Variants in ELMO1 observed in about 807,000 individuals in gnomAD.
ELMO1 encodes engulfment and cell motility protein 1.
In ELMO1, 26 loss-of-function variants were observed where a neutral mutation model predicts 98.9. That is an observed-to-expected ratio of 0.26 (90% CI 0.19 to 0.36). ELMO1 has a LOEUF of 0.36. Among genes scored for constraint, ELMO1 ranks in the 10% least tolerant of loss-of-function variants. ELMO1 has a pLI of 1.00. For missense variants in ELMO1, 627 were observed against 935.2 expected, an observed-to-expected ratio of 0.67 and a Z score of 4.30; for synonymous variants, 346 against 346.0, an observed-to-expected ratio of 1.00 and a Z score of 0.00.
At chr7:37,443,647 T>A (rs1326030734) in intron 1 of ELMO1, among the ~76,000 whole-genome samples, 1 of 152,258 alleles carries the variant, frequency 6.6e-6, no homozygotes, top group African/African-American at 2.4e-5. Flanking sequence ...TCAGGAATCA[T>A]GATATGGCTT....
At position 37,054,930 on chromosome 7, in the gene ELMO1, A is replaced by T. The variant is rs146215982; in HGVS notation, c.1301-41495T>A. On this transcript the variant is annotated intron_variant, in intron 15 of 21. Coordinates refer to ENST00000310758, the MANE Select transcript of ELMO1 (RefSeq NM_014800.11). ...CTTTGATTCAAACATCTTTCCAACC[A>T]TTCATGAACATATTAGCATATGTAT... Among the ~76,000 whole-genome samples, 444 of 152,366 alleles carry T rather than the reference A, an allele frequency of 2.9e-3. 3 individuals carry two copies. The highest frequency in any genetic ancestry group is 9.7e-3 in the African/African-American group (404 of 41,588).
At chr7:37,283,394 C>T (rs374273410) in intron 4 of ELMO1, among the ~76,000 whole-genome samples, 17 of 152,190 alleles carry the variant, frequency 1.1e-4, no homozygotes, top group African/African-American at 4.1e-4. Context: ...TGATAGGAGC[C>T]AGCACATACC....
chr7:37,229,111 G>A (rs1794025333), intron 8 of ELMO1, among the ~76,000 whole-genome samples: 1 of 152,124 alleles, frequency 6.6e-6, no homozygotes, highest in African/African-American at 2.4e-5. Context: ...AAATTACCAG[G>A]TCTCTAAAGC....
intron 15 of ELMO1, among the ~76,000 whole-genome samples, chr7:37,085,415 T>C (rs1783710758): frequency 6.6e-6 from 1 of 152,266 alleles, no homozygotes; most frequent in Admixed American, 6.5e-5. Context: ...TTCATCATCT[T>C]TTCAGTGCAG....
intron 6 of ELMO1, among the ~76,000 whole-genome samples, chr7:37,253,728 A>AG (rs1795485975): frequency 6.6e-6 from 1 of 151,780 alleles, no homozygotes; most frequent in Non-Finnish European, 1.5e-5. Context: ...AGTAAAAAAA[A>AG]AAAAAAAACA....
intron 17 of ELMO1, among the ~76,000 whole-genome samples, chr7:36,889,010 G>A (rs1805297531): frequency 6.6e-6 from 1 of 152,178 alleles, no homozygotes. Flanking sequence ...TCTTACAGAA[G>A]GGGAAACAAC....
intron 1 of ELMO1, among the ~76,000 whole-genome samples, chr7:37,354,052 G>A (rs1008260289): frequency 2.6e-5 from 4 of 152,178 alleles, no homozygotes; most frequent in Admixed American, 2.6e-4. Flanking sequence ...GGCCTCCCGT[G>A]CTAGAAGTAA....
chr7:36,952,626 C>A (rs1242615145), intron 16 of ELMO1, among the ~76,000 whole-genome samples: 1 of 152,150 alleles, frequency 6.6e-6, no homozygotes, highest in Non-Finnish European at 1.5e-5. Context: ...AAAAAGAAAT[C>A]ACTCTAGACT....
chr7:37,090,223 G>C (rs1784004824), intron 15 of ELMO1, among the ~76,000 whole-genome samples: 2 of 152,128 alleles, frequency 1.3e-5, no homozygotes, highest in Admixed American at 6.5e-5. Flanking sequence ...ACATGTCCTT[G>C]GCAGGACATT....
chr7:37,053,755 A>G (rs1030579754), intron 15 of ELMO1, among the ~76,000 whole-genome samples: 2 of 152,134 alleles, frequency 1.3e-5, no homozygotes, highest in Non-Finnish European at 2.9e-5. Context: ...AAAATGCTTA[A>G]GTCCTTTCTC....
chr7:36,943,623 A>G (rs1186780198), intron 16 of ELMO1, among the ~76,000 whole-genome samples: 1 of 152,266 alleles, frequency 6.6e-6, no homozygotes, highest in African/African-American at 2.4e-5. Flanking sequence ...TGAATGAGTA[A>G]CTGGAATATT....
Position 37,342,723 on chromosome 7 carries a change from A to G in ELMO1, c.-33T>C. The G allele has an allele frequency of 1.3e-6, 2 of 1,588,580 alleles. No individual in the cohort carries two copies. Among genetic ancestry groups the G allele is most frequent in the Non-Finnish European group, 1.7e-6 (2 of 1,166,268 alleles). ...CCCCAAAATGTTCAAAGCCAGTGGGAATGAGGATCCTACAGCGTAAACGGC... is the reference window on the plus strand; with the variant it reads ...CCCCAAAATGTTCAAAGCCAGTGGGGATGAGGATCCTACAGCGTAAACGGC... On this transcript the variant is annotated 5_prime_UTR_variant, in exon 2 of 22. Transcript: ENST00000310758. The surrounding 1 kb of genome is among the most constrained non-coding windows in gnomAD (Gnocchi z 4.3).
intron 13 of ELMO1, among the ~76,000 whole-genome samples, chr7:37,171,354 C>T (rs1386794784): frequency 2.0e-5 from 3 of 151,810 alleles, no homozygotes; most frequent in South Asian, 2.1e-4. Flanking sequence ...CAATCAGTGG[C>T]GTCATGGGCA....
In ELMO1 at chr7:37,291,413, T is replaced by C. The variant is rs975555019; in HGVS notation, c.193-19531A>G. On this transcript the variant is annotated intron_variant, in intron 4 of 21. Transcript: ENST00000310758. ...AACCTCTGTTTGACAAAAGACACAATAGAAAAAACAACTATGGACTGGGTA... is the reference window on the plus strand; with the variant it reads ...AACCTCTGTTTGACAAAAGACACAACAGAAAAAACAACTATGGACTGGGTA... Among the ~76,000 whole-genome samples the C allele has an allele frequency of 5.9e-5, 9 of 152,150 alleles. No homozygotes were observed. The South Asian group carries it at 8.3e-4, about 14-fold the overall frequency.
chr7:36,868,865 T>G (rs1255887049), intron 20 of ELMO1, among the ~76,000 whole-genome samples: 1 of 152,192 alleles, frequency 6.6e-6, no homozygotes, highest in East Asian at 1.9e-4. Flanking sequence ...TTCTCCACAC[T>G]GTTTCCAGCT....
intron 1 of ELMO1, among the ~76,000 whole-genome samples, chr7:37,371,377 A>G (rs1802109405): frequency 6.6e-6 from 1 of 152,216 alleles, no homozygotes; most frequent in African/African-American, 2.4e-5. Flanking sequence ...ATAATTCTTC[A>G]CTAAACAATG....
Position 37,109,951 on chromosome 7 carries a change from T to C in ELMO1, c.1192-13224A>G, listed in dbSNP as rs1320242382. Among the ~76,000 whole-genome samples the C allele has an allele frequency of 4.0e-5, 6 of 151,874 alleles. No individual in the cohort carries two copies. The East Asian group carries it at 1.2e-3, about 29-fold the overall frequency. On this transcript the variant is annotated intron_variant, in intron 14 of 21. Transcript: ENST00000310758. ...GATATGAACTGAAAAGGGAAGAGAGTGTTGCAGGCCACAGCAATGAACGCT... is the reference window on the plus strand; with the variant it reads ...GATATGAACTGAAAAGGGAAGAGAGCGTTGCAGGCCACAGCAATGAACGCT...
chr7:37,282,061 G>T (rs1210785800), intron 4 of ELMO1, among the ~76,000 whole-genome samples: 1 of 151,994 alleles, frequency 6.6e-6, no homozygotes, highest in Non-Finnish European at 1.5e-5. Flanking sequence ...ACAGAAAAAT[G>T]TCATTGTCAT....
chr7:37,212,786 C>T (rs1212233946), intron 12 of ELMO1, among the ~76,000 whole-genome samples: 3 of 152,190 alleles, frequency 2.0e-5, no homozygotes, highest in East Asian at 3.9e-4. Context: ...TACCCTCACA[C>T]AGCAAAGGTC....
Sources: allele counts gnomAD v4.1 joint callset (sites outside exome capture counted in the v4.1 genomes callset), GRCh38; gene constraint gnomAD v4.1.1; non-coding constraint Gnocchi (gnomAD v3.1); transcripts MANE v1.5; gene names NCBI Gene and HGNC (gene_info 2026-07-23, HGNC 2026-07-21).